INO80D: variants seen among roughly 807,000 people sequenced by gnomAD.
INO80D encodes the protein INO80 complex subunit D.
Under a neutral mutation model 87.6 loss-of-function variants are expected in INO80D, and 21 were observed. The ratio of observed to expected loss-of-function variants is 0.24; its 90% CI spans 0.17 to 0.35. INO80D has a LOEUF of 0.35. INO80D is among the 10% of genes least tolerant of loss of function. INO80D has a pLI of 1.00. For synonymous variants in INO80D, 440 were observed against 491.0 expected, an observed-to-expected ratio of 0.90 and a Z score of 1.37; for missense variants, 982 against 1,280.7, an observed-to-expected ratio of 0.77 and a Z score of 3.56.
At chr2:206,017,566 C>T (rs1370921099) in intron 8 of INO80D, 114 bp downstream of exon 8, 7 of 783,204 alleles carry the variant, frequency 8.9e-6, no homozygotes, top group Non-Finnish European at 7.6e-6. Flanking sequence ...TAAAAATCCT[C>T]TCTCAAAACT....
chr2:206,017,306 G>C (rs34822408), intron 8 of INO80D, among the ~76,000 whole-genome samples: 4 of 152,156 alleles, frequency 2.6e-5, no homozygotes, highest in African/African-American at 9.6e-5. Context: ...ATTCAAATCT[G>C]TCTCTCCTCC....
At chr2:206,018,051 C>A (rs1403586099) in intron 7 of INO80D, among the ~76,000 whole-genome samples, 2 of 152,166 alleles carry the variant, frequency 1.3e-5, no homozygotes, top group African/African-American at 2.4e-5. Context: ...TCCTTAATGA[C>A]CATTCTGAAC....
At chr2:206,014,598 C>T in intron 8 of INO80D, among the ~76,000 whole-genome samples, 1 of 152,148 alleles carries the variant, frequency 6.6e-6, no homozygotes, top group Non-Finnish European at 1.5e-5. Flanking sequence ...TGTGAGGCCT[C>T]CCCAGCCACG....
intron 8 of INO80D, among the ~76,000 whole-genome samples, chr2:206,016,104 C>A (rs755921685): frequency 2.0e-5 from 3 of 152,154 alleles, no homozygotes; most frequent in Admixed American, 6.5e-5. Context: ...ACAGCTTGCA[C>A]CATGCACCTG....
At chr2:206,061,450 A>T in intron 3 of INO80D, among the ~76,000 whole-genome samples, 1 of 152,222 alleles carries the variant, frequency 6.6e-6, no homozygotes, top group African/African-American at 2.4e-5. Context: ...AAAAAAATTA[A>T]TCCAAGCTCA....
At chr2:206,053,769 T>C (rs1689436283) in intron 4 of INO80D, among the ~76,000 whole-genome samples, 1 of 152,196 alleles carries the variant, frequency 6.6e-6, no homozygotes, top group Admixed American at 6.5e-5. Flanking sequence ...CAAAATGGGA[T>C]AATAATTACC....
Position 206,056,731 on chromosome 2 carries a change from T to A in INO80D, c.431A>T (p.Glu144Val). 1 of 1,613,512 alleles carries A rather than the reference T, an allele frequency of 6.2e-7. No individual in the cohort carries two copies. The highest frequency in any genetic ancestry group is 8.5e-7 in the Non-Finnish European group (1 of 1,179,714). The part of the protein sequence containing the change: ...PGARVPLHYL[E>V]TELEDPFAFN... ...AGCAAATGGGTCTTCCAATTCGGTT[T>A]CCAGGTAGTGGAGAGGGACCCTTGC... The change falls in exon 4 of 11, where the codon GAA becomes GTA. Residue 144 changes from glutamate (E) to valine (V), a missense_variant. Glu to Val is a moderately radical substitution (Grantham distance 121). Coordinates refer to ENST00000403263, the MANE Select transcript of INO80D (RefSeq NM_017759.5).
intron 6 of INO80D, among the ~76,000 whole-genome samples, chr2:206,022,478 T>G (rs1450163147): frequency 6.6e-6 from 1 of 152,190 alleles, no homozygotes; most frequent in African/African-American, 2.4e-5. Context: ...AACTTTTTCA[T>G]GTTTTTCATA....
At chr2:206,078,436 A>G (rs1690182990) in intron 1 of INO80D, among the ~76,000 whole-genome samples, 1 of 152,128 alleles carries the variant, frequency 6.6e-6, no homozygotes, top group Non-Finnish European at 1.5e-5. Flanking sequence ...ATAAAAGAAG[A>G]TAAAAATCCA....
intron 10 of INO80D, among the ~76,000 whole-genome samples, 159 bp from the exon 11 acceptor site, chr2:206,005,692 T>C (rs1688004878): frequency 1.3e-5 from 2 of 152,180 alleles, no homozygotes; most frequent in Admixed American, 1.3e-4. Flanking sequence ...AGTGAAATAA[T>C]GGTCTGCAGG....
rs900571345 is a variant in INO80D, at chr2:206,085,523, G to C, written c.-124+378C>G. ...CCCGGGGGACTCGAGGGGGCGCGCG[G>C]AGGCCCGGGGTGCGGGGGCAGGGCG... On this transcript the variant is annotated intron_variant, in intron 1 of 10. Transcript: ENST00000403263. The surrounding 1 kb of genome is among the most constrained non-coding windows in gnomAD (Gnocchi z 4.5). 3 of 150,488 alleles carry C rather than the reference G, an allele frequency of 2.0e-5. No individual in the cohort carries two copies. The highest frequency in any genetic ancestry group is 7.3e-5 in the African/African-American group (3 of 41,182). 9.3% of individuals were successfully genotyped at this position (150,488 alleles called of 1,614,324 possible).
chr2:206,020,779 T>C (rs1254304575), intron 6 of INO80D, among the ~76,000 whole-genome samples: 1 of 152,118 alleles, frequency 6.6e-6, no homozygotes, highest in Non-Finnish European at 1.5e-5. Flanking sequence ...ACTCCCTCTA[T>C]AATACGTATT....
At position 206,004,431 on chromosome 2, in the gene INO80D, T is replaced by C; in HGVS notation, c.3021A>G (p.Thr1007=). 9 of 1,604,742 alleles carry C rather than the reference T, an allele frequency of 5.6e-6. No homozygotes were observed. The highest frequency in any genetic ancestry group is 7.7e-6 in the Non-Finnish European group (9 of 1,175,706). ...TACTTGTAGCTGTGGCACCTGTTACTGTGAAGCCTGTAGGAGGGGCTATAG... is the reference window on the plus strand; with the variant it reads ...TACTTGTAGCTGTGGCACCTGTTACCGTGAAGCCTGTAGGAGGGGCTATAG... The part of the protein sequence containing the change: ...HSSIAPPTGF[T]VTGATATSTN... Residue 1007 remains threonine, a synonymous_variant, in exon 11 of 11, where the codon ACA becomes ACG. Coordinates refer to ENST00000403263, the MANE Select transcript of INO80D (RefSeq NM_017759.5). This position sits in a 1 kb window ranked among gnomAD's most constrained non-coding sequence, Gnocchi z 4.9.
rs1688938462 is a variant in INO80D, at chr2:206,038,074, T to A, written c.1073+8430A>T. ...GAATGGAGTGATAGACGATGAAGAC[T>A]CAGAAGGGTGACGGGGTGGAAGAGC... On this transcript the variant is annotated intron_variant, in intron 5 of 10. Coordinates refer to ENST00000403263, the MANE Select transcript of INO80D (RefSeq NM_017759.5). 2.6e-5 allele frequency among the ~76,000 whole-genome samples: 4 copies of A among 152,084 alleles called. No individual in the cohort carries two copies. The South Asian group carries it at 8.3e-4, about 32-fold the overall frequency.
Position 206,037,484 on chromosome 2 carries a change from C to T in INO80D, c.1073+9020G>A, listed in dbSNP as rs111241093. On this transcript the variant is annotated intron_variant, in intron 5 of 10. Transcript: ENST00000403263. ...CTGAATTTAAGGTATTGACCAAATA[C>T]GTGATGAGAAATATCCAACGAGCAA... 3.9e-5 allele frequency among the ~76,000 whole-genome samples: 6 copies of T among 152,216 alleles called. 1 individual carries two copies. The highest frequency in any genetic ancestry group is 2.1e-4 in the South Asian group (1 of 4,820).
chr2:206,012,714 C>G (rs867964443), intron 8 of INO80D, among the ~76,000 whole-genome samples: 2 of 151,820 alleles, frequency 1.3e-5, no homozygotes, highest in African/African-American at 4.8e-5. Context: ...CCAAAAAATA[C>G]AAAAATTAAC....
intron 5 of INO80D, among the ~76,000 whole-genome samples, chr2:206,045,874 G>A (rs1333305737): frequency 6.6e-6 from 1 of 152,158 alleles, no homozygotes; most frequent in Admixed American, 6.5e-5. Context: ...AGCCCCCCAA[G>A]GGACCACGTG....
intron 5 of INO80D, among the ~76,000 whole-genome samples, chr2:206,035,507 A>G (rs966762182): frequency 1.3e-5 from 2 of 152,218 alleles, no homozygotes; most frequent in Non-Finnish European, 2.9e-5. Flanking sequence ...CCCTTTCAAC[A>G]AATGGTGCTG....
intron 4 of INO80D, among the ~76,000 whole-genome samples, chr2:206,055,426 C>G (rs577163538): frequency 1.3e-5 from 2 of 152,282 alleles, no homozygotes; most frequent in East Asian, 1.9e-4. Flanking sequence ...ACTCTTAAAT[C>G]ATTAACAGGT....
Sources: gnomAD v4.1 joint callset for allele counts (sites outside exome capture counted in the v4.1 genomes callset) on GRCh38, gnomAD v4.1.1 for gene constraint, Gnocchi (gnomAD v3.1) non-coding constraint, MANE v1.5 for transcripts, NCBI Gene and HGNC (gene_info 2026-07-23, HGNC 2026-07-21) for gene names.